Variants in ANKRD31 observed in about 807,000 individuals in gnomAD.
The protein encoded by ANKRD31 is ankyrin repeat domain-containing protein 31.
In ANKRD31, 147 loss-of-function variants were observed where a neutral mutation model predicts 186.0. The ratio of observed to expected loss-of-function variants is 0.79; its 90% CI spans 0.69 to 0.91. The LOEUF (loss-of-function observed/expected upper bound fraction) is 0.91. Among genes scored for constraint, ANKRD31 ranks in the 40% least tolerant of loss-of-function variants. ANKRD31 has a pLI of 0.00. For missense variants in ANKRD31, 1,986 were observed against 2,148.8 expected, an observed-to-expected ratio of 0.92 and a Z score of 1.50; for synonymous variants, 673 against 736.4, an observed-to-expected ratio of 0.91 and a Z score of 1.39.
intron 22 of ANKRD31, among the ~76,000 whole-genome samples, chr5:75,095,002 T>C (rs553885716): frequency 1.3e-5 from 2 of 152,210 alleles, no homozygotes; most frequent in African/African-American, 2.4e-5. Context: ...TATAAACATA[T>C]ATGCACTTAA....
At chr5:75,126,086 C>A (rs1749230854) in intron 17 of ANKRD31, among the ~76,000 whole-genome samples, 1 of 152,160 alleles carries the variant, frequency 6.6e-6, no homozygotes, top group Admixed American at 6.5e-5. Context: ...CATGAATGAG[C>A]TCAGAATGCA....
intron 10 of ANKRD31, among the ~76,000 whole-genome samples, chr5:75,173,566 C>G (rs1273306116): frequency 6.6e-6 from 1 of 152,156 alleles, no homozygotes; most frequent in Non-Finnish European, 1.5e-5. Flanking sequence ...GCAAAAATCA[C>G]AAGCATTCCT....
intron 25 of ANKRD31, among the ~76,000 whole-genome samples, chr5:75,076,386 C>T (rs1029677778): frequency 1.3e-5 from 2 of 152,110 alleles, no homozygotes; most frequent in African/African-American, 4.8e-5. Flanking sequence ...TCACAGAACT[C>T]AGGAAAGCAC....
chr5:75,069,676 G>A (rs918543816), intron 25 of ANKRD31, among the ~76,000 whole-genome samples: 2 of 152,016 alleles, frequency 1.3e-5, no homozygotes, highest in Admixed American at 6.6e-5. Context: ...CTCCCAAGTA[G>A]CTGGGATTAT....
chr5:75,136,134 A>G (rs887489166), intron 17 of ANKRD31, among the ~76,000 whole-genome samples: 3 of 152,242 alleles, frequency 2.0e-5, no homozygotes, highest in Admixed American at 6.5e-5. Context: ...CACCAAAAGC[A>G]ATGGCAACAA....
intron 22 of ANKRD31, among the ~76,000 whole-genome samples, chr5:75,101,079 T>C (rs1746833471): frequency 6.6e-6 from 1 of 152,222 alleles, no homozygotes; most frequent in Non-Finnish European, 1.5e-5. Flanking sequence ...TTCCTTTCCA[T>C]GTTTAGTGCT....
chr5:75,127,155 A>C (rs1015600649), intron 17 of ANKRD31, among the ~76,000 whole-genome samples: 6 of 150,326 alleles, frequency 4.0e-5, no homozygotes, highest in African/African-American at 1.5e-4. Context: ...ACTGCACTCC[A>C]GCCTGGGTGG....
chr5:75,135,984 A>G (rs1245114707), intron 17 of ANKRD31, among the ~76,000 whole-genome samples: 1 of 152,224 alleles, frequency 6.6e-6, no homozygotes, highest in Non-Finnish European at 1.5e-5. Context: ...CTGAAACTGG[A>G]TCCCTTCCTT....
intron 15 of ANKRD31, among the ~76,000 whole-genome samples, chr5:75,139,326 A>G (rs1456848462): frequency 6.6e-6 from 1 of 152,180 alleles, no homozygotes; most frequent in African/African-American, 2.4e-5. Flanking sequence ...ATTATAAAAA[A>G]TCATCTTTCT....
intron 20 of ANKRD31, among the ~76,000 whole-genome samples, chr5:75,109,165 C>T (rs1421498140): frequency 6.6e-6 from 1 of 151,960 alleles, no homozygotes; most frequent in Non-Finnish European, 1.5e-5. Flanking sequence ...ACGGAGTAAA[C>T]CTATTCTATC....
chr5:75,128,105 T>A (rs1452264224), intron 17 of ANKRD31, among the ~76,000 whole-genome samples: 1 of 152,144 alleles, frequency 6.6e-6, no homozygotes, highest in Non-Finnish European at 1.5e-5. Context: ...CATCTTTTAT[T>A]TATTTTTCTT....
intron 22 of ANKRD31, 104 bp downstream of exon 22, chr5:75,104,124 C>T: frequency 2.0e-6 from 2 of 1,016,604 alleles, no homozygotes; most frequent in South Asian, 4.2e-5. Context: ...CTCAGCAAAA[C>T]CCCATTTCCC....
chr5:75,173,612 C>T (rs548136490), intron 10 of ANKRD31, among the ~76,000 whole-genome samples: 53 of 152,042 alleles, frequency 3.5e-4, no homozygotes, highest in Non-Finnish European at 4.7e-4. Context: ...AGCCAAGTCA[C>T]GAGTGAACTC....
chr5:75,224,159 A>ATATG (rs1554095577), intron 2 of ANKRD31, among the ~76,000 whole-genome samples: 4 of 45,714 alleles, frequency 8.8e-5, no homozygotes, highest in African/African-American at 3.3e-4. Flanking sequence ...ATATATATAT[A>ATATG]TGTATATATA....
In ANKRD31 at chr5:75,104,254, T is replaced by C; in HGVS notation, c.5305A>G (p.Asn1769Asp). The change falls in exon 22 of 26, where the codon AAT (asparagine) becomes GAT (aspartate). Residue 1769 changes from asparagine (N) to aspartate (D), a missense_variant. Asn to Asp is a conservative substitution (Grantham distance 23). Transcript: ENST00000506364. ...LILLGRINPG[N>D]NILEFKTQET... ...TGTGTTTTGAATTCCAGAATGTTAT[T>C]TCCTGGGTTAATTCTTCCTAGTAAT... 6.6e-7 allele frequency: 1 copy of C among 1,515,986 alleles called. No homozygotes were observed. Among genetic ancestry groups the C allele is most frequent in the South Asian group, 1.3e-5 (1 of 79,956 alleles). 93.9% of individuals were successfully genotyped at this position (1,515,986 alleles called of 1,614,324 possible). A position where few individuals can be genotyped will look rare whatever the true frequency, so the allele number is the denominator to read the frequency against.
intron 21 of ANKRD31, among the ~76,000 whole-genome samples, chr5:75,105,943 C>T (rs1344715550): frequency 6.6e-6 from 1 of 152,140 alleles, no homozygotes. Flanking sequence ...CCACCAATCC[C>T]ACCCTGACCT....
intron 10 of ANKRD31, among the ~76,000 whole-genome samples, chr5:75,181,045 A>C (rs79104378): frequency 6.6e-6 from 1 of 151,156 alleles, no homozygotes; most frequent in Non-Finnish European, 1.5e-5. Flanking sequence ...AAAAAAAAAA[A>C]CAAGCAACCC....
intron 19 of ANKRD31, among the ~76,000 whole-genome samples, chr5:75,114,157 C>T (rs1314819152): frequency 2.6e-5 from 4 of 152,050 alleles, no homozygotes; most frequent in African/African-American, 9.7e-5. Flanking sequence ...GTTACCTTTA[C>T]ATGATGGGTT....
At chr5:75,098,637 T>G (rs57862058) in intron 22 of ANKRD31, among the ~76,000 whole-genome samples, 7,344 of 152,032 alleles carry the variant, frequency 0.048, 379 homozygotes, top group African/African-American at 0.13. Flanking sequence ...TCCTTGAAGA[T>G]GTCCTTCACA....
Sources: allele counts gnomAD v4.1 joint callset (sites outside exome capture counted in the v4.1 genomes callset), GRCh38; gene constraint gnomAD v4.1.1; transcripts MANE v1.5; gene names NCBI Gene and HGNC (gene_info 2026-07-23, HGNC 2026-07-21).